The following TMEM132B variants were observed in gnomAD, a reference collection of about 807,000 sequenced individuals.
The protein encoded by TMEM132B is transmembrane protein 132B.
TMEM132B carries 18 observed loss-of-function variants against 90.8 expected under a neutral mutation model. That is an observed-to-expected ratio of 0.20 (90% CI 0.14 to 0.29). The LOEUF is 0.29. Among genes scored for constraint, TMEM132B ranks in the 10% least tolerant of loss-of-function variants. TMEM132B has a pLI of 1.00. For missense variants in TMEM132B, 1,096 were observed against 1,326.8 expected (o/e 0.83, Z 2.70); for synonymous variants, 504 against 523.3 (o/e 0.96, Z 0.50).
rs906592086 is a variant in TMEM132B, at chr12:125,661,851, A to T, written c.*7141A>T. On this transcript the variant is annotated 3_prime_UTR_variant, in exon 9 of 9. Coordinates refer to ENST00000682704, the MANE Select transcript of TMEM132B (RefSeq NM_001366854.1). ...TATCATGCAACAGACCCGTGCTCTT[A>T]GAGGGAGGTAGTGTGTGTCTTCCCA... 1 of 152,264 alleles carries T rather than the reference A, an allele frequency of 6.6e-6. No individual in the cohort carries two copies. 9.4% of individuals were successfully genotyped at this position (152,264 alleles called of 1,614,324 possible).
intron 3 of TMEM132B, among the ~76,000 whole-genome samples, chr12:125,514,569 A>G (rs1883059950): frequency 6.6e-6 from 1 of 152,260 alleles, no homozygotes; most frequent in Non-Finnish European, 1.5e-5. Flanking sequence ...CTCTTGTCCC[A>G]TTTTTAGAAT....
intron 2 of TMEM132B, among the ~76,000 whole-genome samples, chr12:125,389,883 GA>G (rs1878958419): frequency 6.6e-6 from 1 of 152,148 alleles, no homozygotes; most frequent in Non-Finnish European, 1.5e-5. Context: ...AAAGTTTAAA[GA>G]AAACTTTATA....
At chr12:125,539,951 C>G (rs1172660732) in intron 4 of TMEM132B, among the ~76,000 whole-genome samples, 1 of 152,142 alleles carries the variant, frequency 6.6e-6, no homozygotes, top group Non-Finnish European at 1.5e-5. Context: ...GTAGACCTTT[C>G]TTTTCTCCCC....
chr12:125,289,371 C>T lies in TMEM132B; in HGVS notation c.68-60081C>T, dbSNP rs79498675. Among the ~76,000 whole-genome samples the T allele has an allele frequency of 1.4e-4, 22 of 152,142 alleles. No individual in the cohort carries two copies. In the East Asian group the frequency reaches 3.7e-3, roughly 25 times the overall value. ...CTTTCCTTGTGTTAACTTCTTTAAT[C>T]GGCACAAGAACCCACCTGCCATGAT... On this transcript the variant is annotated intron_variant, in intron 1 of 8. Transcript: ENST00000682704.
intron 1 of TMEM132B, among the ~76,000 whole-genome samples, chr12:125,298,265 C>G (rs914554245): frequency 6.6e-6 from 1 of 151,594 alleles, no homozygotes; most frequent in African/African-American, 2.4e-5. Flanking sequence ...CACAACAAAA[C>G]AAAACAAAAT....
chr12:125,250,819 C>T (rs900589926), intron 1 of TMEM132B, among the ~76,000 whole-genome samples: 8 of 152,230 alleles, frequency 5.3e-5, no homozygotes, highest in Non-Finnish European at 5.9e-5. Flanking sequence ...CAGGAGCCTG[C>T]AGGCCCCTGC....
intron 1 of TMEM132B, among the ~76,000 whole-genome samples, chr12:125,300,005 G>A (rs573414341): frequency 2.4e-4 from 37 of 152,312 alleles, no homozygotes; most frequent in Admixed American, 4.6e-4. Context: ...GCAGGGTCTG[G>A]CTCCCAGCTG....
Position 125,277,799 on chromosome 12 carries a change from C to T in TMEM132B, c.68-71653C>T, listed in dbSNP as rs541684144. ...GGCAGCTCTGGGGAGCTAACAACGACGTTAAAAAAAGTTGGACAAATGGCT... is the reference window on the plus strand; with the variant it reads ...GGCAGCTCTGGGGAGCTAACAACGATGTTAAAAAAAGTTGGACAAATGGCT... On this transcript the variant is annotated intron_variant, in intron 1 of 8. Transcript: ENST00000682704. The surrounding 1 kb of genome is among the most constrained non-coding windows in gnomAD (Gnocchi z 4.3). Among the ~76,000 whole-genome samples, 2 of 152,136 alleles carry T rather than the reference C, an allele frequency of 1.3e-5. No individual in the cohort carries two copies. The highest frequency in any genetic ancestry group is 2.4e-5 in the African/African-American group (1 of 41,508).
At position 125,490,598 on chromosome 12, in the gene TMEM132B, G is replaced by T. The variant is rs1045232543; in HGVS notation, c.1107-28841G>T. Among the ~76,000 whole-genome samples the T allele has an allele frequency of 9.9e-5, 15 of 151,992 alleles. No homozygotes were observed. Among genetic ancestry groups the T allele is most frequent in the Non-Finnish European group, 1.8e-4 (12 of 67,984 alleles). Reference sequence around the variant, plus strand: ...CCTGCCTTAGCCTCCCGAGTAGCTCGACTACAGACACCTGCCACCACGCCT... The same window carrying T: ...CCTGCCTTAGCCTCCCGAGTAGCTCTACTACAGACACCTGCCACCACGCCT... On this transcript the variant is annotated intron_variant, in intron 3 of 8. Transcript: ENST00000682704. The surrounding 1 kb of genome is among the most constrained non-coding windows in gnomAD (Gnocchi z 4.2).
chr12:125,458,800 GGTCCTGTACACAAA>G lies in TMEM132B; in HGVS notation c.1106+43124_1106+43137del, dbSNP rs1232301221. Among the ~76,000 whole-genome samples the G allele has an allele frequency of 1.3e-5, 2 of 152,150 alleles. No individual in the cohort carries two copies. Among genetic ancestry groups the G allele is most frequent in the African/African-American group, 4.8e-5 (2 of 41,436 alleles). On this transcript the variant is annotated intron_variant, in intron 3 of 8. Transcript: ENST00000682704. This position sits in a 1 kb window ranked among gnomAD's most constrained non-coding sequence, Gnocchi z 4.9. The stretch of plus-strand genomic sequence containing the variant: ...GAGGACAAATGAGAGTAGATGTTGG[GGTCCTGTACACAAA>G]AGGCACCACAACAGGAGAATGAGTC...
intron 1 of TMEM132B, among the ~76,000 whole-genome samples, chr12:125,333,405 G>A (rs1341810209): frequency 6.6e-6 from 1 of 152,142 alleles, no homozygotes; most frequent in Admixed American, 6.5e-5. Context: ...TATCTTTTTG[G>A]GGGGACATTA....
chr12:125,540,563 C>A (rs1326503010), intron 4 of TMEM132B, among the ~76,000 whole-genome samples: 1 of 152,180 alleles, frequency 6.6e-6, no homozygotes, highest in African/African-American at 2.4e-5. Flanking sequence ...ATGAGACTAA[C>A]TTCTTTGTCC....
intron 3 of TMEM132B, among the ~76,000 whole-genome samples, chr12:125,462,088 C>G (rs1593158558): frequency 1.3e-5 from 2 of 152,306 alleles, no homozygotes; most frequent in Admixed American, 1.3e-4. Context: ...TGGCAGTCAA[C>G]TCCATCTGAA....
At chr12:125,381,488 T>C (rs1301836947) in intron 2 of TMEM132B, among the ~76,000 whole-genome samples, 1 of 152,220 alleles carries the variant, frequency 6.6e-6, no homozygotes, top group East Asian at 1.9e-4. Flanking sequence ...AGTTTATCTA[T>C]TGGCCTCCCT....
intron 3 of TMEM132B, among the ~76,000 whole-genome samples, chr12:125,507,572 G>A (rs1039053252): frequency 6.6e-5 from 10 of 152,106 alleles, no homozygotes; most frequent in Non-Finnish European, 1.0e-4. Context: ...ATAGGGAGGA[G>A]TGGCCCAGGT....
At chr12:125,261,482 A>G (rs1874566604) in intron 1 of TMEM132B, among the ~76,000 whole-genome samples, 1 of 152,174 alleles carries the variant, frequency 6.6e-6, no homozygotes, top group African/African-American at 2.4e-5. Flanking sequence ...AGAGAGAGGA[A>G]TTCTGCACAC....
intron 1 of TMEM132B, among the ~76,000 whole-genome samples, chr12:125,240,574 C>A (rs182666234): frequency 6.6e-6 from 1 of 152,200 alleles, no homozygotes; most frequent in Admixed American, 6.5e-5. Flanking sequence ...GTCCCAGATA[C>A]CCCAGCATTG....
In TMEM132B at chr12:125,349,022, A is replaced by G. The variant is rs754462997; in HGVS notation, c.68-430A>G. Among the ~76,000 whole-genome samples, 1 of 152,220 alleles carries G rather than the reference A, an allele frequency of 6.6e-6. No homozygotes were observed. Among genetic ancestry groups the G allele is most frequent in the Non-Finnish European group, 1.5e-5 (1 of 68,032 alleles). ...GATTGTACTTATAGAAGTGATAGAG[A>G]GCAGCATAAATATCAAAGTAATAAG... On this transcript the variant is annotated intron_variant, in intron 1 of 8. Transcript: ENST00000682704. The surrounding 1 kb of genome is among the most constrained non-coding windows in gnomAD (Gnocchi z 4.1).
At chr12:125,274,296 T>G (rs1455488952) in intron 1 of TMEM132B, among the ~76,000 whole-genome samples, 2 of 152,198 alleles carry the variant, frequency 1.3e-5, no homozygotes, top group Non-Finnish European at 2.9e-5. Context: ...CAGCTGACAT[T>G]TGGGTTGTTG....
Sources: allele counts gnomAD v4.1 joint callset (sites outside exome capture counted in the v4.1 genomes callset), GRCh38; gene constraint gnomAD v4.1.1; non-coding constraint Gnocchi (gnomAD v3.1); transcripts MANE v1.5; gene names NCBI Gene and HGNC (gene_info 2026-07-23, HGNC 2026-07-21).